Variants in C1orf185 observed in about 807,000 individuals in gnomAD.
C1orf185 encodes the protein uncharacterized protein C1orf185.
Under a neutral mutation model 16.1 loss-of-function variants are expected in C1orf185, and 13 were observed. That is an observed-to-expected ratio of 0.81 (90% CI 0.53 to 1.28). The LOEUF is 1.28. Among genes scored for constraint, C1orf185 ranks in the 50% most tolerant of loss-of-function variants. The probability of loss-of-function intolerance (pLI) is 0.00; values close to 1 mark genes in which losing one functional copy is unlikely to be tolerated. For missense variants in C1orf185, 220 were observed against 225.2 expected (o/e 0.98, Z 0.15); for synonymous variants, 80 against 76.9 (o/e 1.04, Z -0.21).
chr1:51,145,307 A>AAATAATAATAATAAT (rs111332471), intron 3 of C1orf185, among the ~76,000 whole-genome samples: 5,153 of 150,542 alleles, frequency 0.034, 119 homozygotes, highest in Non-Finnish European at 0.041. Context: ...CCTGTCTCTA[A>AAATAATAATAATAAT]AATAATAATA....
At chr1:51,124,025 T>G (rs1485148944) in intron 3 of C1orf185, among the ~76,000 whole-genome samples, 1 of 151,504 alleles carries the variant, frequency 6.6e-6, no homozygotes, top group East Asian at 1.9e-4. Context: ...ATATGTACTT[T>G]GCAAATATTT....
chr1:51,144,163 C>T (rs886880680), intron 3 of C1orf185, among the ~76,000 whole-genome samples: 5 of 152,126 alleles, frequency 3.3e-5, no homozygotes, highest in Non-Finnish European at 7.4e-5. Flanking sequence ...GGTTCCCAGA[C>T]CAGCAATATC....
chr1:51,150,673 T>TA (rs779189713), downstream of C1orf185, among the ~76,000 whole-genome samples: 1 of 152,260 alleles, frequency 6.6e-6, no homozygotes, highest in Non-Finnish European at 1.5e-5. Flanking sequence ...TTTCACTCTT[T>TA]ATGCAAGCTG....
At chr1:51,151,145 A>G (rs1441322241), downstream of C1orf185, among the ~76,000 whole-genome samples, 3 of 152,224 alleles carry the variant, frequency 2.0e-5, no homozygotes, top group Admixed American at 2.0e-4. Flanking sequence ...TTGAGGAGAA[A>G]AATTTTGTTT....
At chr1:51,113,550 C>G (rs935070895) in intron 2 of C1orf185, among the ~76,000 whole-genome samples, 19 of 151,720 alleles carry the variant, frequency 1.3e-4, no homozygotes, top group African/African-American at 4.6e-4. Flanking sequence ...CCAGATGTAG[C>G]GGCACACACC....
At chr1:51,143,107 C>T (rs568981694) in intron 3 of C1orf185, among the ~76,000 whole-genome samples, 75 of 152,064 alleles carry the variant, frequency 4.9e-4, no homozygotes, top group South Asian at 1.0e-3. Context: ...ATTGATCGCA[C>T]AATCAAGATG....
chr1:51,151,906 G>C (rs1646430924), downstream of C1orf185, among the ~76,000 whole-genome samples: 1 of 152,036 alleles, frequency 6.6e-6, no homozygotes, highest in Non-Finnish European at 1.5e-5. Flanking sequence ...GGCCAGGCTG[G>C]TTTCAAACTC....
intron 3 of C1orf185, among the ~76,000 whole-genome samples, chr1:51,142,661 T>A (rs1646372905): frequency 6.6e-6 from 1 of 152,204 alleles, no homozygotes; most frequent in Non-Finnish European, 1.5e-5. Flanking sequence ...TCAACTAAGT[T>A]GTCTAATTTA....
At chr1:51,140,121 T>C (rs1185777524) in intron 3 of C1orf185, among the ~76,000 whole-genome samples, 1 of 152,212 alleles carries the variant, frequency 6.6e-6, no homozygotes, top group Admixed American at 6.5e-5. Flanking sequence ...CTCTACTACA[T>C]ACAGGTACCA....
chr1:51,141,392 G>A (rs967011023), intron 3 of C1orf185, among the ~76,000 whole-genome samples: 8 of 152,202 alleles, frequency 5.3e-5, no homozygotes, highest in Non-Finnish European at 1.2e-4. Context: ...TTGGGAGGCT[G>A]AGGTGGGAGG....
intron 3 of C1orf185, among the ~76,000 whole-genome samples, chr1:51,142,328 T>A (rs1646369983): frequency 6.6e-6 from 1 of 152,200 alleles, no homozygotes; most frequent in African/African-American, 2.4e-5. Flanking sequence ...ACATTGGCAT[T>A]TTTGAAAGTC....
At chr1:51,137,491 G>T (rs1318564401) in intron 3 of C1orf185, among the ~76,000 whole-genome samples, 2 of 152,026 alleles carry the variant, frequency 1.3e-5, no homozygotes, top group African/African-American at 2.4e-5. Context: ...CTGAGATCAT[G>T]CCACTGCACT....
chr1:51,111,108 C>T (rs1352614670), intron 1 of C1orf185, among the ~76,000 whole-genome samples: 2 of 151,876 alleles, frequency 1.3e-5, no homozygotes, highest in African/African-American at 4.8e-5. Flanking sequence ...CTATAATTAC[C>T]CCAAGCCTTC....
chr1:51,151,041 T>C, downstream of C1orf185, among the ~76,000 whole-genome samples: 1 of 152,206 alleles, frequency 6.6e-6, no homozygotes, highest in Non-Finnish European at 1.5e-5. Context: ...CTCACAGACA[T>C]GCAGAAATGT....
chr1:51,146,510 T>C (rs949134535), intron 4 of C1orf185, among the ~76,000 whole-genome samples: 1 of 151,996 alleles, frequency 6.6e-6, no homozygotes, highest in African/African-American at 2.4e-5. Context: ...TACATAAATT[T>C]TTTAAAAAGA....
downstream of C1orf185, among the ~76,000 whole-genome samples, chr1:51,150,934 T>C (rs76499712): frequency 1.4e-3 from 206 of 152,298 alleles, 1 homozygote; most frequent in East Asian, 0.027. Flanking sequence ...ATACCTGCCC[T>C]TTGTACCAGA....
In C1orf185 at chr1:51,133,953, G is replaced by A. The variant is rs1370680663; in HGVS notation, c.259-11771G>A. On this transcript the variant is annotated intron_variant, in intron 3 of 4. Coordinates refer to ENST00000371759, the MANE Select transcript of C1orf185 (RefSeq NM_001136508.2). ...AAAAATTAGCCAGGCATGGTGGCAT[G>A]TGCCTGTAATCCCAGCTACTCAGGA... 5.3e-5 allele frequency among the ~76,000 whole-genome samples: 8 copies of A among 152,248 alleles called. No individual in the cohort carries two copies. In the East Asian group the frequency reaches 1.5e-3, roughly 29 times the overall value.
rs578008633 is a variant in C1orf185 at position 51,130,325 on chromosome 1, G to A, written c.258+11524G>A. ...ACCATTTTACATTTCCAACAGTAAT[G>A]TATGAGAGATCCAGTTTCTTTCTTT... On this transcript the variant is annotated intron_variant, in intron 3 of 4. Transcript: ENST00000371759. 2.0e-5 allele frequency among the ~76,000 whole-genome samples: 3 copies of A among 151,574 alleles called. No individual in the cohort carries two copies. The East Asian group carries it at 5.8e-4, about 29-fold the overall frequency.
intron 3 of C1orf185, among the ~76,000 whole-genome samples, chr1:51,140,024 A>C (rs1646353819): frequency 6.6e-6 from 1 of 152,164 alleles, no homozygotes; most frequent in Admixed American, 6.5e-5. Context: ...GGCCAAAGCA[A>C]ATTTCTTAGT....
Sources: gnomAD v4.1 joint callset for allele counts (sites outside exome capture counted in the v4.1 genomes callset) on GRCh38, gnomAD v4.1.1 for gene constraint, MANE v1.5 for transcripts, NCBI Gene and HGNC (gene_info 2026-07-23, HGNC 2026-07-21) for gene names.